The following SLC24A3 variants were observed in gnomAD, a reference collection of about 807,000 sequenced individuals.
SLC24A3 encodes the protein sodium/potassium/calcium exchanger 3.
SLC24A3 carries 28 observed loss-of-function variants against 75.8 expected under a neutral mutation model. The ratio of observed to expected loss-of-function variants is 0.37; its 90% CI spans 0.27 to 0.51. SLC24A3 has a LOEUF of 0.51. SLC24A3 is among the 20% of genes least tolerant of loss of function. The pLI is 0.94. For synonymous variants in SLC24A3, 372 were observed against 334.1 expected (o/e 1.11, Z -1.24); for missense variants, 663 against 847.8 (o/e 0.78, Z 2.71).
chr20:19,407,345 C>T lies in SLC24A3; in HGVS notation c.272-108143C>T, dbSNP rs1986665604. Among the ~76,000 whole-genome samples, 6 of 152,196 alleles carry T rather than the reference C, an allele frequency of 3.9e-5. No homozygotes were observed. The South Asian group carries it at 1.2e-3, about 32-fold the overall frequency. ...TCGCCATCTTTAGTTTTTCTGTGTCCCGGTGCTGTGTCCTCATTCCTGTCT... is the reference window on the plus strand; with the variant it reads ...TCGCCATCTTTAGTTTTTCTGTGTCTCGGTGCTGTGTCCTCATTCCTGTCT... On this transcript the variant is annotated intron_variant, in intron 2 of 16. Coordinates refer to ENST00000328041, the MANE Select transcript of SLC24A3 (RefSeq NM_020689.4).
chr20:19,366,364 CTT>C (rs1462451357), intron 2 of SLC24A3, among the ~76,000 whole-genome samples: 1 of 152,182 alleles, frequency 6.6e-6, no homozygotes, highest in Non-Finnish European at 1.5e-5. Flanking sequence ...AAAAAACGAC[CTT>C]TAAATGTCAT....
chr20:19,225,769 C>T (rs1394669972), intron 1 of SLC24A3, among the ~76,000 whole-genome samples: 1 of 152,156 alleles, frequency 6.6e-6, no homozygotes, highest in Non-Finnish European at 1.5e-5. Flanking sequence ...ATCAGTAGTT[C>T]ATTCCTTTTT....
intron 3 of SLC24A3, among the ~76,000 whole-genome samples, chr20:19,557,886 A>G (rs1465347836): frequency 1.3e-5 from 2 of 152,262 alleles, no homozygotes; most frequent in Admixed American, 6.5e-5. Context: ...ATATAAAGGT[A>G]TTGAAATTTT....
At chr20:19,289,484 C>T (rs1258723108) in intron 2 of SLC24A3, among the ~76,000 whole-genome samples, 6 of 152,198 alleles carry the variant, frequency 3.9e-5, no homozygotes, top group Non-Finnish European at 8.8e-5. Context: ...GCTTATCTCA[C>T]AGGCACCCCC....
intron 1 of SLC24A3, among the ~76,000 whole-genome samples, chr20:19,229,660 G>A (rs556413307): frequency 8.6e-5 from 13 of 151,790 alleles, no homozygotes; most frequent in South Asian, 8.3e-4. Flanking sequence ...ATTTTATTTC[G>A]TTTTGCCTGG....
intron 6 of SLC24A3, among the ~76,000 whole-genome samples, chr20:19,629,498 A>G (rs1468784713): frequency 6.6e-6 from 1 of 152,220 alleles, no homozygotes; most frequent in Non-Finnish European, 1.5e-5. Context: ...TGAAGAAATA[A>G]TAGCCAATAT....
At chr20:19,305,369 T>C (rs1984299468) in intron 2 of SLC24A3, among the ~76,000 whole-genome samples, 1 of 152,026 alleles carries the variant, frequency 6.6e-6, no homozygotes, top group Non-Finnish European at 1.5e-5. Flanking sequence ...CTATTTGTAA[T>C]TGAGGCACCC....
intron 2 of SLC24A3, among the ~76,000 whole-genome samples, chr20:19,401,540 C>A (rs1351536115): frequency 8.9e-6 from 1 of 111,806 alleles, no homozygotes; most frequent in African/African-American, 3.2e-5. Flanking sequence ...GAATACTGAA[C>A]AAGGAAAGGT....
At chr20:19,388,895 T>C (rs1238535437) in intron 2 of SLC24A3, among the ~76,000 whole-genome samples, 1 of 152,208 alleles carries the variant, frequency 6.6e-6, no homozygotes, top group Non-Finnish European at 1.5e-5. Flanking sequence ...AAAATTGTTT[T>C]GTGGCTCTTT....
intron 2 of SLC24A3, among the ~76,000 whole-genome samples, chr20:19,502,152 G>A (rs1370753169): frequency 6.6e-6 from 1 of 152,102 alleles, no homozygotes; most frequent in Non-Finnish European, 1.5e-5. Context: ...AGCATATGGG[G>A]GATAGAGCTC....
chr20:19,428,229 A>G (rs746877567), intron 2 of SLC24A3, among the ~76,000 whole-genome samples: 5 of 152,142 alleles, frequency 3.3e-5, no homozygotes, highest in Non-Finnish European at 7.3e-5. Context: ...GTCAGCTTCT[A>G]CTTCTGTTAC....
intron 2 of SLC24A3, among the ~76,000 whole-genome samples, chr20:19,292,634 G>A (rs1352265831): frequency 6.6e-6 from 1 of 152,218 alleles, no homozygotes; most frequent in Non-Finnish European, 1.5e-5. Context: ...CAGGCTGGGT[G>A]TGTAGAATGG....
chr20:19,508,105 G>A (rs1487979952), intron 2 of SLC24A3, among the ~76,000 whole-genome samples: 2 of 152,198 alleles, frequency 1.3e-5, no homozygotes, highest in Admixed American at 1.3e-4. Context: ...GGAAGGCTTT[G>A]TGAGAAGCGG....
chr20:19,276,130 G>A (rs1446697540), intron 1 of SLC24A3, among the ~76,000 whole-genome samples: 3 of 152,100 alleles, frequency 2.0e-5, no homozygotes, highest in African/African-American at 4.8e-5. Flanking sequence ...GCGCCTCTCC[G>A]TATCCCCTTC....
chr20:19,527,746 G>T (rs2030224910), intron 3 of SLC24A3, among the ~76,000 whole-genome samples: 1 of 152,160 alleles, frequency 6.6e-6, no homozygotes, highest in South Asian at 2.1e-4. Flanking sequence ...AGCCCTTTCT[G>T]AACATTTGCA....
chr20:19,467,564 G>T (rs1445786737), intron 2 of SLC24A3, among the ~76,000 whole-genome samples: 2 of 152,140 alleles, frequency 1.3e-5, no homozygotes, highest in African/African-American at 4.8e-5. Context: ...GAGCTGACCT[G>T]GAAAGACAAC....
intron 6 of SLC24A3, among the ~76,000 whole-genome samples, chr20:19,608,149 C>G (rs6081679): frequency 6.6e-6 from 1 of 152,092 alleles, no homozygotes; most frequent in Non-Finnish European, 1.5e-5. Flanking sequence ...ATCTTCTCTT[C>G]TTTGAACTGC....
chr20:19,223,538 CTG>C (rs1450826442), intron 1 of SLC24A3, among the ~76,000 whole-genome samples: 5 of 152,136 alleles, frequency 3.3e-5, no homozygotes. Flanking sequence ...GCTACATACA[CTG>C]TGTTTTTTCC....
chr20:19,214,426 T>C (rs1258430629), intron 1 of SLC24A3, among the ~76,000 whole-genome samples: 1 of 152,218 alleles, frequency 6.6e-6, no homozygotes, highest in Non-Finnish European at 1.5e-5. Flanking sequence ...ATCCCATTTT[T>C]ATTTTCCTTT....
Sources: gnomAD v4.1 joint callset for allele counts (sites outside exome capture counted in the v4.1 genomes callset) on GRCh38, gnomAD v4.1.1 for gene constraint, MANE v1.5 for transcripts, NCBI Gene and HGNC (gene_info 2026-07-23, HGNC 2026-07-21) for gene names.